The following FKBP5 variants were observed in gnomAD, a reference collection of about 807,000 sequenced individuals.
FKBP5 encodes FKBP prolyl isomerase 5, also known as peptidyl-prolyl cis-trans isomerase FKBP5.
Under a neutral mutation model 50.5 loss-of-function variants are expected in FKBP5, and 23 were observed. The observed-to-expected ratio is 0.46, with a 90% CI of 0.33 to 0.65. The LOEUF (loss-of-function observed/expected upper bound fraction) is 0.65, where lower values mean the gene tolerates loss of function less well. Ranked by LOEUF, FKBP5 falls within the 30% of genes least tolerant of loss-of-function variation. The pLI is 0.02. For missense variants in FKBP5, 411 were observed against 553.1 expected, an observed-to-expected ratio of 0.74 and a Z score of 2.58; for synonymous variants, 176 against 190.6, an observed-to-expected ratio of 0.92 and a Z score of 0.63.
rs551328999 is a variant in FKBP5 at position 35,643,823 on chromosome 6, A to G, written c.-19-980T>C. On this transcript the variant is annotated intron_variant, in intron 1 of 10. Transcript: ENST00000357266. ...TCGATTTGTTGTCTGTAAGAGATTCATAAGACTATGCGCCTGTTAGGTTTA... is the reference window on the plus strand; with the variant it reads ...TCGATTTGTTGTCTGTAAGAGATTCGTAAGACTATGCGCCTGTTAGGTTTA... 3.0e-4 allele frequency among the ~76,000 whole-genome samples: 45 copies of G among 152,320 alleles called. No individual in the cohort carries two copies. In the South Asian group the frequency reaches 8.1e-3, roughly 27 times the overall value.
intron 5 of FKBP5, among the ~76,000 whole-genome samples, chr6:35,603,737 GGA>G (rs1333490267): frequency 6.6e-6 from 1 of 151,918 alleles, no homozygotes; most frequent in African/African-American, 2.4e-5. Context: ...TGCCCAGGCT[GGA>G]GTGTAGTGGC....
chr6:35,683,622 T>C (rs1377547416), intron 1 of FKBP5, among the ~76,000 whole-genome samples: 3 of 147,898 alleles, frequency 2.0e-5, no homozygotes, highest in African/African-American at 7.4e-5. Context: ...TGCACTGCCA[T>C]GACTGGCTAA....
rs7740621 is a variant in FKBP5, at chr6:35,642,620, A to C, written c.105+100T>G. The C allele has an allele frequency of 5.1e-3, 4,240 of 824,544 alleles. 58 individuals are homozygous for C. The highest frequency in any genetic ancestry group is 0.043 in the African/African-American group (2,470 of 57,784). 51.1% of individuals were successfully genotyped at this position (824,544 alleles called of 1,614,324 possible). A position where few individuals can be genotyped will look rare whatever the true frequency, so the allele number is the denominator to read the frequency against. Reference sequence around the variant, plus strand: ...CTCTAGTGTTTGGCACTTAGTAACCATCAATAAACATTATCCACCCCAGCC... The same window carrying C: ...CTCTAGTGTTTGGCACTTAGTAACCCTCAATAAACATTATCCACCCCAGCC... On this transcript the variant is annotated intron_variant, in intron 2 of 10. Coordinates refer to ENST00000357266, the MANE Select transcript of FKBP5 (RefSeq NM_004117.4).
intron 9 of FKBP5, among the ~76,000 whole-genome samples, chr6:35,579,192 AT>A (rs1362634904): frequency 6.6e-6 from 1 of 152,072 alleles, no homozygotes; most frequent in African/African-American, 2.4e-5. Flanking sequence ...TCCGCTCTGT[AT>A]GAAAAAAACG....
intron 8 of FKBP5, chr6:35,584,710 A>C: frequency 1.0e-6 from 1 of 985,464 alleles, no homozygotes; most frequent in South Asian, 4.7e-5. Context: ...TCTGGGAGAA[A>C]AGTCTCAGGT....
chr6:35,619,511 G>A (rs1763761750), intron 4 of FKBP5, among the ~76,000 whole-genome samples: 1 of 152,186 alleles, frequency 6.6e-6, no homozygotes, highest in Admixed American at 6.5e-5. Context: ...AGAGCTACAA[G>A]GTGCTGGTGT....
At chr6:35,686,586 C>T (rs1765834308) in intron 1 of FKBP5, among the ~76,000 whole-genome samples, 1 of 152,076 alleles carries the variant, frequency 6.6e-6, no homozygotes, top group African/African-American at 2.4e-5. Flanking sequence ...ATAAGCCCTC[C>T]GAACGTGAGG....
chr6:35,607,651 C>A, intron 5 of FKBP5: 1 of 154,608 alleles, frequency 6.5e-6, no homozygotes. Context: ...GCCCTATGGC[C>A]ATGGGCCTCA....
chr6:35,579,748 C>T (rs139236071), intron 9 of FKBP5, among the ~76,000 whole-genome samples: 22 of 152,228 alleles, frequency 1.4e-4, no homozygotes, highest in Non-Finnish European at 2.5e-4. Flanking sequence ...GATATAAATA[C>T]TACAGTTATA....
intron 1 of FKBP5, among the ~76,000 whole-genome samples, chr6:35,682,916 A>G (rs1235540665): frequency 2.0e-5 from 3 of 150,782 alleles, no homozygotes; most frequent in Admixed American, 6.6e-5. Context: ...AAAAAAAAAA[A>G]AAAAGAAAAA....
At chr6:35,616,439 G>C (rs1331670324) in intron 5 of FKBP5, among the ~76,000 whole-genome samples, 3 of 151,856 alleles carry the variant, frequency 2.0e-5, no homozygotes, top group South Asian at 4.2e-4. Context: ...ACAGTTACTG[G>C]TACTACATCA....
chr6:35,634,326 C>A (rs1764246730), intron 3 of FKBP5, among the ~76,000 whole-genome samples: 1 of 152,128 alleles, frequency 6.6e-6, no homozygotes, highest in Admixed American at 6.5e-5. Context: ...AAATCAACAA[C>A]AACAACAACA....
At chr6:35,726,450 T>C (rs1457087029) in intron 1 of FKBP5, among the ~76,000 whole-genome samples, 1 of 151,856 alleles carries the variant, frequency 6.6e-6, no homozygotes, top group Non-Finnish European at 1.5e-5. Context: ...TTAGAGATAA[T>C]GCATGTGAAG....
intron 2 of FKBP5, among the ~76,000 whole-genome samples, chr6:35,699,759 G>A (rs1487780449): frequency 6.6e-6 from 1 of 152,084 alleles, no homozygotes; most frequent in East Asian, 1.9e-4. Context: ...CTAAAAAGGA[G>A]GAAATAGCCA....
At chr6:35,702,385 A>G (rs1766204542) in intron 2 of FKBP5, among the ~76,000 whole-genome samples, 1 of 151,464 alleles carries the variant, frequency 6.6e-6, no homozygotes, top group Admixed American at 6.6e-5. Flanking sequence ...AAAAAGACAG[A>G]AAAGAAAAGA....
At position 35,597,408 on chromosome 6, in the gene FKBP5, AG is replaced by A. The variant is rs747697486; in HGVS notation, c.509-5del. On this transcript the variant is annotated splice_polypyrimidine_tract_variant and splice_region_variant and intron_variant, in intron 5 of 10. Coordinates refer to ENST00000357266, the MANE Select transcript of FKBP5 (RefSeq NM_004117.4). ...CCACAGCGGCCTTCCAGGTGGACTG[AG>A]GGCAAGGAGACAGGAGAGTCAACAG... The A allele has an allele frequency of 5.0e-6, 8 of 1,612,560 alleles. No homozygotes were observed. The highest frequency in any genetic ancestry group is 1.3e-5 in the African/African-American group (1 of 74,844).
At chr6:35,696,654 AT>A (rs1766087696) in intron 2 of FKBP5, among the ~76,000 whole-genome samples, 1 of 152,208 alleles carries the variant, frequency 6.6e-6, no homozygotes, top group Non-Finnish European at 1.5e-5. Context: ...ATATAATGCA[AT>A]CCCCATCAGA....
intron 2 of FKBP5, among the ~76,000 whole-genome samples, chr6:35,706,424 C>CAA (rs71002595): frequency 9.6e-6 from 1 of 103,854 alleles, no homozygotes; most frequent in South Asian, 3.2e-4. Context: ...AACTCTGTCT[C>CAA]AAAAAAAAAA....
chr6:35,672,470 C>CTTT (rs548784244), intron 1 of FKBP5, among the ~76,000 whole-genome samples: 4 of 136,862 alleles, frequency 2.9e-5, no homozygotes, highest in Non-Finnish European at 4.8e-5. Context: ...CAGAAGCTTG[C>CTTT]TTTTTTTTTT....
Sources: allele counts gnomAD v4.1 joint callset (sites outside exome capture counted in the v4.1 genomes callset), GRCh38; gene constraint gnomAD v4.1.1; transcripts MANE v1.5; gene names NCBI Gene and HGNC (gene_info 2026-07-23, HGNC 2026-07-21).